Variants in DAB1 observed in about 807,000 individuals in gnomAD.
DAB1 encodes DAB adaptor protein 1.
A neutral mutation model predicts 64.6 loss-of-function variants in DAB1; 15 were observed. The observed-to-expected ratio is 0.23, with a 90% CI of 0.16 to 0.36. DAB1 has a LOEUF of 0.36. Among genes scored for constraint, DAB1 ranks in the 10% least tolerant of loss-of-function variants. DAB1 has a pLI of 1.00. For missense variants in DAB1, 596 were observed against 706.7 expected (o/e 0.84, Z 1.78); for synonymous variants, 235 against 251.9 (o/e 0.93, Z 0.64).
At chr1:58,217,329 A>C (rs1391063590) in intron 4 of DAB1, among the ~76,000 whole-genome samples, 2 of 152,182 alleles carry the variant, frequency 1.3e-5, no homozygotes, top group Non-Finnish European at 2.9e-5. Flanking sequence ...CTGGAGGCAG[A>C]CCAGAACCCC....
chr1:57,915,459 T>C (rs1252638101), intron 5 of DAB1, among the ~76,000 whole-genome samples: 1 of 152,164 alleles, frequency 6.6e-6, no homozygotes, highest in Non-Finnish European at 1.5e-5. Context: ...TGGGATGTGA[T>C]CATTTCCTTA....
chr1:57,128,309 T>C (rs554192633), intron 4 of DAB1, among the ~76,000 whole-genome samples: 23 of 152,124 alleles, frequency 1.5e-4, no homozygotes, highest in African/African-American at 5.3e-4. Flanking sequence ...TAAAAAACCA[T>C]AGCTTTTCAC....
intron 14 of DAB1, among the ~76,000 whole-genome samples, chr1:57,007,292 C>T (rs1646107845): frequency 6.6e-6 from 1 of 152,190 alleles, no homozygotes; most frequent in Admixed American, 6.5e-5. Context: ...GTCTGATAGG[C>T]AGTTTATTTA....
intron 3 of DAB1, among the ~76,000 whole-genome samples, chr1:58,348,745 C>T (rs1012192553): frequency 3.9e-5 from 6 of 152,076 alleles, no homozygotes; most frequent in Non-Finnish European, 5.9e-5. Flanking sequence ...ATTTTACACA[C>T]GTTGGGAAGT....
intron 9 of DAB1, among the ~76,000 whole-genome samples, chr1:57,054,796 C>G (rs1417553773): frequency 6.6e-6 from 1 of 152,056 alleles, no homozygotes; most frequent in Non-Finnish European, 1.5e-5. Context: ...GCATTTTTAA[C>G]AGTCACAAAA....
intron 5 of DAB1, among the ~76,000 whole-genome samples, chr1:57,913,619 C>T (rs1158778755): frequency 6.6e-6 from 1 of 152,202 alleles, no homozygotes; most frequent in Non-Finnish European, 1.5e-5. Flanking sequence ...TAAAGAGCTT[C>T]TGCACAGCAA....
At chr1:57,985,118 G>A (rs1646182108) in intron 5 of DAB1, among the ~76,000 whole-genome samples, 1 of 152,140 alleles carries the variant, frequency 6.6e-6, no homozygotes, top group African/African-American at 2.4e-5. Flanking sequence ...AGTTTGACCA[G>A]GCTGATCTCA....
At chr1:57,623,494 G>T (rs1645886591) in intron 7 of DAB1, among the ~76,000 whole-genome samples, 1 of 152,178 alleles carries the variant, frequency 6.6e-6, no homozygotes, top group African/African-American at 2.4e-5. Flanking sequence ...TTTCGAAGCT[G>T]CAGGAAAGTG....
In DAB1 at chr1:57,747,215, C is replaced by T. The variant is rs144038162; in HGVS notation, n.552-97550G>A. On this transcript the variant is annotated intron_variant and non_coding_transcript_variant, in intron 6 of 20. Coordinates refer to the DAB1 transcript ENST00000485760. ...CCCAAAGTTCTAAACCATACATATT[C>T]GCCCCTTCTTGCCCTTGCCTTCCTC... Among the ~76,000 whole-genome samples the T allele has an allele frequency of 3.2e-4, 48 of 152,256 alleles. No individual in the cohort carries two copies. In the East Asian group the frequency reaches 6.8e-3, roughly 21 times the overall value.
At chr1:57,637,740 G>A (rs969558692) in intron 7 of DAB1, among the ~76,000 whole-genome samples, 6 of 152,084 alleles carry the variant, frequency 3.9e-5, no homozygotes, top group Non-Finnish European at 5.9e-5. Flanking sequence ...AGTAAGGGGA[G>A]TGCTTACAAA....
chr1:57,905,935 G>A (rs900930221), intron 5 of DAB1, among the ~76,000 whole-genome samples: 2 of 152,172 alleles, frequency 1.3e-5, no homozygotes, highest in African/African-American at 4.8e-5. Flanking sequence ...TTTAGCCAAA[G>A]CTTGTAATAG....
intron 5 of DAB1, among the ~76,000 whole-genome samples, chr1:57,985,625 C>T (rs1412104989): frequency 4.9e-5 from 7 of 141,714 alleles, no homozygotes; most frequent in Non-Finnish European, 6.1e-5. Flanking sequence ...TGGTCCCTGA[C>T]TCACAGTAGA....
At chr1:57,964,715 G>A (rs1467470301) in intron 5 of DAB1, among the ~76,000 whole-genome samples, 5 of 152,186 alleles carry the variant, frequency 3.3e-5, no homozygotes, top group East Asian at 1.9e-4. Flanking sequence ...TAAGTTATCC[G>A]ATGGCAGAAT....
At chr1:57,641,419 T>C (rs1646128764) in intron 7 of DAB1, among the ~76,000 whole-genome samples, 2 of 133,996 alleles carry the variant, frequency 1.5e-5, no homozygotes, top group Admixed American at 9.0e-5. Flanking sequence ...AGTCTCGCTC[T>C]GTCGCCCAGG....
intron 6 of DAB1, among the ~76,000 whole-genome samples, chr1:57,747,099 A>G (rs1648311728): frequency 6.6e-6 from 1 of 152,150 alleles, no homozygotes; most frequent in South Asian, 2.1e-4. Flanking sequence ...TGTCATATTT[A>G]TGAATTTCTC....
At chr1:57,193,381 G>GTTTTTTTTTTTTTTTT (rs999329119) in intron 2 of DAB1, among the ~76,000 whole-genome samples, 7 of 83,070 alleles carry the variant, frequency 8.4e-5, no homozygotes, top group Admixed American at 1.9e-4. Context: ...CGTAGCATAT[G>GTTTTTTTTTTTTTTTT]TTTTTTTTTT....
chr1:58,101,575 T>A (rs1651326883), intron 5 of DAB1, among the ~76,000 whole-genome samples: 1 of 152,138 alleles, frequency 6.6e-6, no homozygotes, highest in East Asian at 1.9e-4. Flanking sequence ...TGCTTTGAAC[T>A]TATGGCCCAA....
At chr1:57,165,605 C>A (rs1331928828) in intron 2 of DAB1, among the ~76,000 whole-genome samples, 1 of 152,190 alleles carries the variant, frequency 6.6e-6, no homozygotes, top group African/African-American at 2.4e-5. Context: ...ACATACATTA[C>A]TTTTCATTTA....
chr1:57,036,508 C>G (rs774883783), intron 9 of DAB1, among the ~76,000 whole-genome samples: 1 of 152,144 alleles, frequency 6.6e-6, no homozygotes, highest in Non-Finnish European at 1.5e-5. Flanking sequence ...ACACTTTTTC[C>G]CAGGTGATTC....
Sources: allele counts gnomAD v4.1 joint callset (sites outside exome capture counted in the v4.1 genomes callset), GRCh38; gene constraint gnomAD v4.1.1; transcripts MANE v1.5; gene names NCBI Gene and HGNC (gene_info 2026-07-23, HGNC 2026-07-21).